The following PRKCE variants were observed in gnomAD, a reference collection of about 807,000 sequenced individuals.
The protein encoded by PRKCE is protein kinase C epsilon type.
In PRKCE, 16 loss-of-function variants were observed where a neutral mutation model predicts 85.4. The ratio of observed to expected loss-of-function variants is 0.19; its 90% CI spans 0.13 to 0.28. The LOEUF is 0.28. Among genes scored for constraint, PRKCE ranks in the 10% least tolerant of loss-of-function variants. The pLI, the probability that PRKCE is intolerant of heterozygous loss-of-function variation, is 1.00. For missense variants in PRKCE, 573 were observed against 975.2 expected (o/e 0.59, Z 5.49); for synonymous variants, 388 against 371.5 (o/e 1.04, Z -0.51).
chr2:45,795,903 C>G (rs1687400692), intron 1 of PRKCE, among the ~76,000 whole-genome samples: 1 of 152,232 alleles, frequency 6.6e-6, no homozygotes, highest in South Asian at 2.1e-4. Context: ...CTCCACTCCA[C>G]CCAGGCTTGA....
chr2:45,795,109 T>C (rs1486510017), intron 1 of PRKCE, among the ~76,000 whole-genome samples: 1 of 151,774 alleles, frequency 6.6e-6, no homozygotes, highest in African/African-American at 2.4e-5. Context: ...CCCACGGGGG[T>C]TTCCAGAGAC....
chr2:45,983,226 C>T (rs768224088), intron 5 of PRKCE, among the ~76,000 whole-genome samples: 2 of 152,190 alleles, frequency 1.3e-5, no homozygotes, highest in African/African-American at 2.4e-5. Context: ...GGGAACTTGT[C>T]TTCATGCTTG....
At chr2:46,099,776 C>T (rs1389765938) in intron 11 of PRKCE, among the ~76,000 whole-genome samples, 1 of 152,084 alleles carries the variant, frequency 6.6e-6, no homozygotes, top group Non-Finnish European at 1.5e-5. Flanking sequence ...GAGAAAACTC[C>T]AGGGAGGTGA....
intron 1 of PRKCE, among the ~76,000 whole-genome samples, chr2:45,782,974 T>G (rs1312233489): frequency 6.6e-6 from 1 of 152,188 alleles, no homozygotes; most frequent in African/African-American, 2.4e-5. Flanking sequence ...ATTATTTCAT[T>G]ACTTTTTTGT....
At chr2:46,096,683 C>T (rs1424357299) in intron 11 of PRKCE, among the ~76,000 whole-genome samples, 1 of 152,226 alleles carries the variant, frequency 6.6e-6, no homozygotes, top group Non-Finnish European at 1.5e-5. Context: ...GCCTTCACAA[C>T]TGCAAGAAAA....
At chr2:46,086,064 G>C (rs1249766261) in intron 10 of PRKCE, 144 bp from the exon 11 acceptor site, 1 of 780,894 alleles carries the variant, frequency 1.3e-6, no homozygotes, top group African/African-American at 1.7e-5. Flanking sequence ...CTTCTTTATG[G>C]ATCAGGTGCT....
chr2:46,026,658 TGGGATGTTTAA>T (rs1161968517), intron 10 of PRKCE, among the ~76,000 whole-genome samples: 7 of 152,152 alleles, frequency 4.6e-5, no homozygotes, highest in Non-Finnish European at 1.0e-4. Flanking sequence ...GGGATGTTTT[TGGGATGTTTAA>T]GGGATGTTTT....
At chr2:46,169,686 C>T (rs1021103323) in intron 14 of PRKCE, among the ~76,000 whole-genome samples, 1 of 152,168 alleles carries the variant, frequency 6.6e-6, no homozygotes, top group African/African-American at 2.4e-5. Flanking sequence ...AGCCGCACTC[C>T]GTCCCCCCTA....
intron 11 of PRKCE, among the ~76,000 whole-genome samples, chr2:46,119,290 G>A (rs538536134): frequency 6.6e-6 from 1 of 152,180 alleles, no homozygotes; most frequent in Admixed American, 6.5e-5. Flanking sequence ...AAAAAAAAAG[G>A]GGGGGTTATT....
chr2:45,688,280 A>G (rs1490155244), intron 1 of PRKCE, among the ~76,000 whole-genome samples: 1 of 152,166 alleles, frequency 6.6e-6, no homozygotes, highest in Non-Finnish European at 1.5e-5. Flanking sequence ...TAGTATTAAA[A>G]AAATTAAGAA....
intron 2 of PRKCE, among the ~76,000 whole-genome samples, chr2:45,944,023 C>T (rs191070165): frequency 3.9e-5 from 6 of 152,248 alleles, no homozygotes; most frequent in South Asian, 2.1e-4. Flanking sequence ...ATGGTGGGGG[C>T]GATGGCTGAG....
At chr2:45,933,667 G>A (rs181991583) in intron 2 of PRKCE, among the ~76,000 whole-genome samples, 87 of 151,764 alleles carry the variant, frequency 5.7e-4, no homozygotes, top group Non-Finnish European at 1.0e-3. Context: ...TAGTGGAGAC[G>A]GGGTTTCACC....
intron 10 of PRKCE, among the ~76,000 whole-genome samples, chr2:46,072,386 G>C (rs1668154583): frequency 1.3e-5 from 2 of 152,320 alleles, no homozygotes; most frequent in Non-Finnish European, 2.9e-5. Context: ...ACATGAAAGG[G>C]GATTTAGCAG....
At chr2:45,758,888 G>T (rs1344766378) in intron 1 of PRKCE, among the ~76,000 whole-genome samples, 1 of 152,176 alleles carries the variant, frequency 6.6e-6, no homozygotes, top group Non-Finnish European at 1.5e-5. Flanking sequence ...AAGTGCAGAG[G>T]GTGCATTGCA....
At chr2:45,863,365 A>G (rs1573652183) in intron 2 of PRKCE, among the ~76,000 whole-genome samples, 1 of 152,090 alleles carries the variant, frequency 6.6e-6, no homozygotes, top group East Asian at 1.9e-4. Context: ...AGTCTTAGAG[A>G]CAGGCTTGTC....
intron 2 of PRKCE, among the ~76,000 whole-genome samples, chr2:45,884,983 A>T (rs1387978397): frequency 0.16 from 13,637 of 85,938 alleles, 2,331 homozygotes; most frequent in East Asian, 0.67. Flanking sequence ...ATATATATAT[A>T]TATATATATA....
At chr2:45,945,027 C>T (rs1035651027) in intron 2 of PRKCE, among the ~76,000 whole-genome samples, 2 of 152,184 alleles carry the variant, frequency 1.3e-5, no homozygotes, top group Non-Finnish European at 2.9e-5. Context: ...TCAACTTCCC[C>T]CCTTCCTGAG....
In PRKCE at chr2:46,152,177, C is replaced by A. The variant is rs1368530156; in HGVS notation, c.1920+948C>A. 5.9e-5 allele frequency among the ~76,000 whole-genome samples: 9 copies of A among 151,934 alleles called. 1 individual carries two copies. In the East Asian group the frequency reaches 1.5e-3, roughly 26 times the overall value. Reference sequence around the variant, plus strand: ...TATTTACCTGATTATATGTATTTTACAAAGAAATTTTTTTTTTTTTTTTAG... The same window carrying A: ...TATTTACCTGATTATATGTATTTTAAAAAGAAATTTTTTTTTTTTTTTTAG... On this transcript the variant is annotated intron_variant, in intron 13 of 14. Transcript: ENST00000306156.
chr2:46,050,935 G>C (rs1574335081), intron 10 of PRKCE, among the ~76,000 whole-genome samples: 1 of 152,280 alleles, frequency 6.6e-6, no homozygotes, highest in South Asian at 2.1e-4. Flanking sequence ...AAAAGGCCCA[G>C]TTCTTTGTGG....
Sources: allele counts gnomAD v4.1 joint callset (sites outside exome capture counted in the v4.1 genomes callset), GRCh38; gene constraint gnomAD v4.1.1; transcripts MANE v1.5; gene names NCBI Gene and HGNC (gene_info 2026-07-23, HGNC 2026-07-21).